The following RANBP2 variants were observed in gnomAD, a reference collection of about 807,000 sequenced individuals.
RANBP2 encodes E3 SUMO-protein ligase RanBP2.
A neutral mutation model predicts 303.6 loss-of-function variants in RANBP2; 57 were observed. That is an observed-to-expected ratio of 0.19 (90% CI 0.15 to 0.23). The LOEUF is 0.23. RANBP2 is among the 10% of genes least tolerant of loss of function. The pLI, the probability that RANBP2 is intolerant of heterozygous loss-of-function variation, is 1.00. For missense variants in RANBP2, 3,138 were observed against 3,780.8 expected, an observed-to-expected ratio of 0.83 and a Z score of 4.46; for synonymous variants, 1,167 against 1,301.5, an observed-to-expected ratio of 0.90 and a Z score of 2.23.
the RANBP2 span, among the ~76,000 whole-genome samples, chr2:108,844,390 T>C: frequency 7.1e-6 from 1 of 141,480 alleles, no homozygotes; most frequent in African/African-American, 2.4e-5. Flanking sequence ...TTCTGAAATA[T>C]TCACTTGGTT....
chr2:108,923,415 C>A, the RANBP2 span: 2 of 1,614,058 alleles, frequency 1.2e-6, no homozygotes, highest in South Asian at 1.1e-5. Flanking sequence ...GCAGACCATG[C>A]CATAGATGTT....
At chr2:109,209,788 A>C in the RANBP2 span, among the ~76,000 whole-genome samples, 7 of 152,206 alleles carry the variant, frequency 4.6e-5, no homozygotes, top group African/African-American at 1.7e-4. Flanking sequence ...TACTTGGTAG[A>C]ATGACAAATT....
At chr2:109,322,464 G>C in the RANBP2 span, among the ~76,000 whole-genome samples, 4 of 152,162 alleles carry the variant, frequency 2.6e-5, no homozygotes, top group Non-Finnish European at 5.9e-5. Flanking sequence ...GCTTAAATCA[G>C]CCAATAAAAT....
chr2:109,747,743 C>G, the RANBP2 span, among the ~76,000 whole-genome samples: 3 of 113,844 alleles, frequency 2.6e-5, no homozygotes, highest in Non-Finnish European at 5.4e-5. Context: ...AACCCTGTCT[C>G]AAAAAAAAAA....
chr2:109,521,585 T>C, the RANBP2 span, among the ~76,000 whole-genome samples: 3 of 152,236 alleles, frequency 2.0e-5, no homozygotes, highest in Admixed American at 1.3e-4. Context: ...GAGATTTCAC[T>C]CTTTTCACTG....
At chr2:109,722,434 C>G in the RANBP2 span, among the ~76,000 whole-genome samples, 2 of 152,226 alleles carry the variant, frequency 1.3e-5, no homozygotes, top group Non-Finnish European at 2.9e-5. Flanking sequence ...CATCTCTGTA[C>G]TGTTCCCAAG....
chr2:109,688,254 T>C, the RANBP2 span, among the ~76,000 whole-genome samples: 1 of 152,186 alleles, frequency 6.6e-6, no homozygotes, highest in African/African-American at 2.4e-5. Flanking sequence ...GGATGAGATC[T>C]TGGGGTCCAG....
At chr2:109,192,998 C>T in the RANBP2 span, among the ~76,000 whole-genome samples, 27 of 152,306 alleles carry the variant, frequency 1.8e-4, no homozygotes, top group East Asian at 1.3e-3. Flanking sequence ...ACTTGGAAAC[C>T]TGCAAGTTGG....
the RANBP2 span, among the ~76,000 whole-genome samples, chr2:109,706,124 A>C: frequency 6.6e-6 from 1 of 151,958 alleles, no homozygotes; most frequent in Non-Finnish European, 1.5e-5. Context: ...ACCACCTCTC[A>C]CCTGGGCTAG....
chr2:109,257,367 AGAGG>A, the RANBP2 span, among the ~76,000 whole-genome samples: 2 of 146,108 alleles, frequency 1.4e-5, no homozygotes, highest in Non-Finnish European at 3.0e-5. Flanking sequence ...TGAAAGAAGG[AGAGG>A]GAGGGAGGGA....
At chr2:109,472,118 ATTAG>A in the RANBP2 span, among the ~76,000 whole-genome samples, 3 of 152,164 alleles carry the variant, frequency 2.0e-5, no homozygotes, top group Non-Finnish European at 2.9e-5. Flanking sequence ...ATTATTATTA[ATTAG>A]TTAATATGAT....
the RANBP2 span, among the ~76,000 whole-genome samples, chr2:109,539,291 C>T: frequency 1.3e-5 from 2 of 152,004 alleles, no homozygotes; most frequent in Non-Finnish European, 2.9e-5. Flanking sequence ...GAGCAAGACT[C>T]TGTCTCAAAA....
At chr2:109,577,202 T>C in the RANBP2 span, among the ~76,000 whole-genome samples, 1 of 152,142 alleles carries the variant, frequency 6.6e-6, no homozygotes, top group Non-Finnish European at 1.5e-5. Context: ...GAATTGTACA[T>C]CCAACTAAAA....
the RANBP2 span, among the ~76,000 whole-genome samples, chr2:109,033,918 T>C: frequency 7.0e-6 from 1 of 143,068 alleles, no homozygotes; most frequent in Non-Finnish European, 1.5e-5. Context: ...ATTGCACCAC[T>C]GCACTTCAGC....
chr2:108,751,591 C>T lies in RANBP2; in HGVS notation c.1519C>T (p.His507Tyr), dbSNP rs1434826042. 1.9e-6 allele frequency: 3 copies of T among 1,610,630 alleles called. No homozygotes were observed. Among genetic ancestry groups the T allele is most frequent in the Admixed American group, 3.3e-5 (2 of 59,884 alleles). The change falls in exon 11 of 29, where the codon CAC becomes TAC. Residue 507 changes from histidine to tyrosine, a missense_variant. His to Tyr is a moderately conservative substitution (Grantham distance 83). Around this residue, in one of 20 missense-constraint regions of RANBP2, gnomAD observed 162 missense variants for 286.9 expected, o/e 0.56. Coordinates refer to ENST00000283195, the MANE Select transcript of RANBP2 (RefSeq NM_006267.5). The stretch of plus-strand genomic sequence containing the variant: ...ATTAAAGGAGAAATGTAATTCTCAC[C>T]ACAGCTCCTATCAGCCGTTATGCCT... The part of the protein sequence containing the change: ...LQLKEKCNSH[H>Y]SSYQPLCLPL...
the RANBP2 span, chr2:109,347,893 T>C: frequency 6.2e-7 from 1 of 1,612,042 alleles, no homozygotes; most frequent in Non-Finnish European, 8.5e-7. Flanking sequence ...AAAAGCACTT[T>C]ATGATTTCGA....
chr2:109,189,112 C>G, the RANBP2 span, among the ~76,000 whole-genome samples: 1 of 152,144 alleles, frequency 6.6e-6, no homozygotes, highest in Non-Finnish European at 1.5e-5. Flanking sequence ...GATGCCTCCA[C>G]TGCCTTGCTA....
the RANBP2 span, among the ~76,000 whole-genome samples, chr2:109,521,102 A>G: frequency 1.3e-5 from 2 of 152,018 alleles, no homozygotes; most frequent in African/African-American, 4.8e-5. Flanking sequence ...CTGTAGTCCC[A>G]GCTACTCGGA....
chr2:109,607,725 G>C, the RANBP2 span, among the ~76,000 whole-genome samples: 1 of 152,214 alleles, frequency 6.6e-6, no homozygotes, highest in South Asian at 2.1e-4. Flanking sequence ...AAAAGGCAAA[G>C]TTTAGTCTTT....
Sources: allele counts gnomAD v4.1 joint callset (sites outside exome capture counted in the v4.1 genomes callset), GRCh38; gene constraint gnomAD v4.1.1; regional missense constraint gnomAD v4.1.1; transcripts MANE v1.5; gene names NCBI Gene and HGNC (gene_info 2026-07-23, HGNC 2026-07-21).